ZNF385B: variants seen among roughly 807,000 people sequenced by gnomAD.
ZNF385B encodes zinc finger protein 533.
A neutral mutation model predicts 39.2 loss-of-function variants in ZNF385B; 23 were observed. That is an observed-to-expected ratio of 0.59 (90% confidence interval 0.42 to 0.83). The LOEUF (loss-of-function observed/expected upper bound fraction) is 0.83. ZNF385B is among the 40% of genes least tolerant of loss of function. ZNF385B has a pLI of 0.00. For missense variants in ZNF385B, 552 were observed against 598.9 expected (o/e 0.92, Z 0.82); for synonymous variants, 205 against 222.6 (o/e 0.92, Z 0.70).
intron 1 of ZNF385B, among the ~76,000 whole-genome samples, chr2:179,858,012 T>A (rs1172194855): frequency 6.6e-6 from 1 of 152,172 alleles, no homozygotes; most frequent in Non-Finnish European, 1.5e-5. Flanking sequence ...GTGATTAAGC[T>A]TGGTTCTCTT....
At chr2:179,846,069 G>A (rs1708784410) in intron 1 of ZNF385B, among the ~76,000 whole-genome samples, 1 of 152,154 alleles carries the variant, frequency 6.6e-6, no homozygotes, top group African/African-American at 2.4e-5. Context: ...GAAAGTCATC[G>A]CCTTGGAGGA....
chr2:179,581,504 T>C (rs1432293813), intron 3 of ZNF385B, among the ~76,000 whole-genome samples: 2 of 152,212 alleles, frequency 1.3e-5, no homozygotes, highest in Non-Finnish European at 2.9e-5. Flanking sequence ...TTAAAAGTCA[T>C]AGCTGGTAAA....
intron 5 of ZNF385B, among the ~76,000 whole-genome samples, chr2:179,516,922 G>C (rs1574557102): frequency 6.6e-6 from 1 of 150,952 alleles, no homozygotes; most frequent in Admixed American, 6.6e-5. Flanking sequence ...TTTATGTTTT[G>C]TATCAGGTAG....
chr2:179,760,227 T>C (rs1462210), intron 3 of ZNF385B, among the ~76,000 whole-genome samples: 4,751 of 83,250 alleles, frequency 0.057, 93 homozygotes, highest in African/African-American at 0.072. Context: ...TGTGTGCGTG[T>C]GTGTGTGTGT....
At chr2:179,685,638 C>T (rs1360115728) in intron 3 of ZNF385B, among the ~76,000 whole-genome samples, 1 of 151,354 alleles carries the variant, frequency 6.6e-6, no homozygotes, top group East Asian at 1.9e-4. Context: ...TTTTTTACTG[C>T]CTATTGATAA....
intron 3 of ZNF385B, among the ~76,000 whole-genome samples, chr2:179,670,618 G>C (rs1238362851): frequency 6.6e-6 from 1 of 152,158 alleles, no homozygotes; most frequent in South Asian, 2.1e-4. Flanking sequence ...CAAAAGTTCT[G>C]AAAAGCTAAT....
At chr2:179,812,223 G>T (rs537996521) in intron 1 of ZNF385B, among the ~76,000 whole-genome samples, 3 of 152,156 alleles carry the variant, frequency 2.0e-5, no homozygotes, top group Non-Finnish European at 4.4e-5. Flanking sequence ...ACTGGGGAAA[G>T]CAGTTTGGAG....
intron 6 of ZNF385B, among the ~76,000 whole-genome samples, chr2:179,466,574 T>G (rs1388866213): frequency 6.6e-6 from 1 of 152,082 alleles, no homozygotes; most frequent in Non-Finnish European, 1.5e-5. Flanking sequence ...TTATACAATA[T>G]CCATTTGTGT....
chr2:179,821,419 G>A (rs1349940970), intron 1 of ZNF385B, among the ~76,000 whole-genome samples: 1 of 152,158 alleles, frequency 6.6e-6, no homozygotes, highest in Non-Finnish European at 1.5e-5. Context: ...GAACAACGTA[G>A]GAGCTGCAGA....
chr2:179,673,060 G>A (rs1350630804), intron 3 of ZNF385B, among the ~76,000 whole-genome samples: 1 of 152,142 alleles, frequency 6.6e-6, no homozygotes, highest in Non-Finnish European at 1.5e-5. Context: ...GTCTGTTTTG[G>A]TTAGATATTG....
At chr2:179,799,434 C>A (rs975725023) in intron 1 of ZNF385B, among the ~76,000 whole-genome samples, 5 of 151,982 alleles carry the variant, frequency 3.3e-5, no homozygotes, top group African/African-American at 1.2e-4. Flanking sequence ...CCTCTTTAGG[C>A]ATCTGCAGGA....
At chr2:179,561,103 A>G (rs1011901446) in intron 3 of ZNF385B, among the ~76,000 whole-genome samples, 3 of 152,246 alleles carry the variant, frequency 2.0e-5, no homozygotes, top group African/African-American at 7.2e-5. Flanking sequence ...TGGACAGCAC[A>G]AGGTGCTTTT....
intron 3 of ZNF385B, among the ~76,000 whole-genome samples, chr2:179,757,651 C>A (rs181772458): frequency 3.4e-3 from 516 of 152,334 alleles, no homozygotes; most frequent in South Asian, 7.7e-3. Context: ...CTACTTAAGC[C>A]TCAGCATTGG....
intron 3 of ZNF385B, among the ~76,000 whole-genome samples, chr2:179,558,580 C>T (rs2061110775): frequency 6.6e-6 from 1 of 152,064 alleles, no homozygotes; most frequent in South Asian, 2.1e-4. Flanking sequence ...AAAGTAGGTG[C>T]CCATGTTAAA....
intron 3 of ZNF385B, among the ~76,000 whole-genome samples, chr2:179,748,710 A>G (rs1702512984): frequency 6.6e-6 from 1 of 152,176 alleles, no homozygotes; most frequent in South Asian, 2.1e-4. Context: ...AAACAAGAAT[A>G]ATGTGTTGCA....
intron 3 of ZNF385B, among the ~76,000 whole-genome samples, chr2:179,607,233 G>A (rs756480963): frequency 3.3e-5 from 5 of 152,082 alleles, no homozygotes; most frequent in Non-Finnish European, 5.9e-5. Context: ...ATATGGTTTG[G>A]CTCTGTGTCC....
intron 6 of ZNF385B, among the ~76,000 whole-genome samples, chr2:179,477,977 A>T (rs1027111944): frequency 6.6e-6 from 1 of 152,212 alleles, no homozygotes; most frequent in African/African-American, 2.4e-5. Context: ...AATTATTTAG[A>T]AAATGGTTAG....
chr2:179,636,026 T>A (rs1691719498), intron 3 of ZNF385B, among the ~76,000 whole-genome samples: 1 of 152,200 alleles, frequency 6.6e-6, no homozygotes, highest in Non-Finnish European at 1.5e-5. Context: ...AAAAAATGTA[T>A]GATGCATTTA....
intron 1 of ZNF385B, among the ~76,000 whole-genome samples, chr2:179,859,121 C>T (rs1296362871): frequency 6.6e-6 from 1 of 152,076 alleles, no homozygotes; most frequent in African/African-American, 2.4e-5. Flanking sequence ...ATGCTTTGAT[C>T]GATCCTCATT....
Sources: gnomAD v4.1 joint callset for allele counts (sites outside exome capture counted in the v4.1 genomes callset) on GRCh38, gnomAD v4.1.1 for gene constraint, MANE v1.5 for transcripts, NCBI Gene and HGNC (gene_info 2026-07-23, HGNC 2026-07-21) for gene names.